JAKMIP3: variants seen among roughly 807,000 people sequenced by gnomAD.
The protein encoded by JAKMIP3 is janus kinase and microtubule-interacting protein 3.
A neutral mutation model predicts 118.5 loss-of-function variants in JAKMIP3; 58 were observed. That is an observed-to-expected ratio of 0.49 (90% confidence interval 0.40 to 0.61). JAKMIP3 has a LOEUF of 0.61. JAKMIP3 is among the 20% of genes least tolerant of loss of function. JAKMIP3 has a pLI of 0.00. For missense variants in JAKMIP3, 950 were observed against 1,109.0 expected (o/e 0.86, Z 2.04); for synonymous variants, 486 against 451.2 (o/e 1.08, Z -0.98).
At position 132,180,568 on chromosome 10, in the gene JAKMIP3, C is replaced by T. The variant is rs200068457; in HGVS notation, c.*1104-1789C>T. Among the ~76,000 whole-genome samples the T allele has an allele frequency of 1.6e-3, 36 of 22,312 alleles. 9 individuals are homozygous for T. Among genetic ancestry groups the T allele is most frequent in the African/African-American group, 7.2e-3 (25 of 3,486 alleles). 14.6% of individuals were successfully genotyped at this position (22,312 alleles called of 152,430 possible). Reference sequence around the variant, plus strand: ...GTGCGTGCGTGCATGCGTGTGTGTGCGTGTGTGTGTGCGTGCGCGTGTGTG... The same window carrying T: ...GTGCGTGCGTGCATGCGTGTGTGTGTGTGTGTGTGTGCGTGCGCGTGTGTG... On this transcript the variant is annotated intron_variant, in intron 23 of 23. Transcript: ENST00000684848.
intron 3 of JAKMIP3, among the ~76,000 whole-genome samples, chr10:132,132,893 C>T (rs1447551529): frequency 6.6e-6 from 1 of 152,234 alleles, no homozygotes; most frequent in East Asian, 1.9e-4. Flanking sequence ...GCCGTGGCAC[C>T]TTCCTATTGG....
At chr10:132,116,049 G>T (rs565313138) in intron 2 of JAKMIP3, among the ~76,000 whole-genome samples, 1 of 152,216 alleles carries the variant, frequency 6.6e-6, no homozygotes, top group Non-Finnish European at 1.5e-5. Context: ...CCCCCACAGC[G>T]TGTCCTCCCT....
At chr10:132,180,788 T>TGTGTGTGC (rs1491365450) in intron 23 of JAKMIP3, among the ~76,000 whole-genome samples, 3 of 10,724 alleles carry the variant, frequency 2.8e-4, no homozygotes, top group South Asian at 7.2e-3. Context: ...TGTGTGCGCG[T>TGTGTGTGC]ATGCATGTGC....
intron 1 of JAKMIP3, among the ~76,000 whole-genome samples, chr10:132,095,827 A>AAG (rs1463874701): frequency 6.6e-6 from 1 of 152,092 alleles, no homozygotes; most frequent in Admixed American, 6.5e-5. Context: ...GTTGTTTGGG[A>AAG]AGAGCATTCT....
intron 23 of JAKMIP3, among the ~76,000 whole-genome samples, chr10:132,171,949 C>G (rs147368553): frequency 6.6e-6 from 1 of 152,114 alleles, no homozygotes. Context: ...CCCCTGCGCC[C>G]GGCCTGTCCC....
chr10:132,065,901 G>C (rs1244019968), upstream of JAKMIP3, among the ~76,000 whole-genome samples: 2 of 152,170 alleles, frequency 1.3e-5, no homozygotes, highest in Non-Finnish European at 2.9e-5. The surrounding 1 kb of genome is among the most constrained non-coding windows in gnomAD (Gnocchi z 5.6). Flanking sequence ...GTCACAGCGT[G>C]GTAAATTCCA....
chr10:132,056,750 C>T (rs2038247602), intron 1 of JAKMIP3, among the ~76,000 whole-genome samples: 1 of 152,224 alleles, frequency 6.6e-6, no homozygotes, highest in Admixed American at 6.5e-5. Flanking sequence ...CCCGTCTGTA[C>T]TTTGTCCCGG....
chr10:132,115,120 C>T (rs1046733004), intron 2 of JAKMIP3, among the ~76,000 whole-genome samples: 4 of 152,212 alleles, frequency 2.6e-5, no homozygotes, highest in Non-Finnish European at 5.9e-5. Context: ...CTGCCAAATG[C>T]CTATCTGTTC....
intron 1 of JAKMIP3, among the ~76,000 whole-genome samples, chr10:132,039,326 C>T (rs2037637260): frequency 3.3e-5 from 5 of 152,026 alleles, no homozygotes; most frequent in African/African-American, 9.7e-5. Context: ...AACTTAGTCA[C>T]CTCAGCTTGG....
intron 2 of JAKMIP3, among the ~76,000 whole-genome samples, chr10:132,111,221 G>T (rs964665956): frequency 6.6e-6 from 1 of 152,224 alleles, no homozygotes; most frequent in African/African-American, 2.4e-5. Flanking sequence ...CCAGGCAGCT[G>T]TGCCCCTGCA....
intron 1 of JAKMIP3, among the ~76,000 whole-genome samples, chr10:132,069,643 G>A (rs1273840008): frequency 6.6e-6 from 1 of 152,176 alleles, no homozygotes; most frequent in East Asian, 1.9e-4. Context: ...CCATTTCAGA[G>A]TTTCATTAAA....
At chr10:132,162,446 G>A (rs935831337) in intron 19 of JAKMIP3, among the ~76,000 whole-genome samples, 1 of 152,244 alleles carries the variant, frequency 6.6e-6, no homozygotes, top group Non-Finnish European at 1.5e-5. Flanking sequence ...GCTCTAAGAA[G>A]TGGAGGTTGA....
intron 23 of JAKMIP3, among the ~76,000 whole-genome samples, chr10:132,175,672 C>T (rs1269847822): frequency 6.6e-6 from 1 of 152,202 alleles, no homozygotes; most frequent in Non-Finnish European, 1.5e-5. Context: ...AGCAGCCCTG[C>T]TCTTCTGAGC....
chr10:132,148,469 C>T (rs567577854), intron 14 of JAKMIP3, among the ~76,000 whole-genome samples: 15 of 96,140 alleles, frequency 1.6e-4, no homozygotes, highest in South Asian at 7.9e-4. Flanking sequence ...GTCCTCCATC[C>T]GCCCGTCCTC....
chr10:132,041,667 G>A (rs945304998), intron 1 of JAKMIP3, among the ~76,000 whole-genome samples: 2 of 152,136 alleles, frequency 1.3e-5, no homozygotes, highest in Non-Finnish European at 2.9e-5. Context: ...AACATAGCAC[G>A]CTGGCCCCGT....
At chr10:132,169,454 G>A (rs1239540308) in intron 23 of JAKMIP3, among the ~76,000 whole-genome samples, 1 of 152,244 alleles carries the variant, frequency 6.6e-6, no homozygotes, top group Non-Finnish European at 1.5e-5. Context: ...GCTCTGGGGA[G>A]GCGACTCTGG....
intron 1 of JAKMIP3, among the ~76,000 whole-genome samples, chr10:132,095,973 C>T (rs2043804157): frequency 6.6e-6 from 1 of 152,084 alleles, no homozygotes; most frequent in Admixed American, 6.6e-5. Flanking sequence ...CATACTGTCC[C>T]ATGCTGCTGT....
chr10:132,179,144 T>G lies in JAKMIP3; in HGVS notation c.*1104-3213T>G, dbSNP rs951860428. Among the ~76,000 whole-genome samples the G allele has an allele frequency of 6.6e-6, 1 of 152,222 alleles. No homozygotes were observed. Among genetic ancestry groups the G allele is most frequent in the East Asian group, 1.9e-4 (1 of 5,194 alleles). On this transcript the variant is annotated intron_variant, in intron 23 of 23. Transcript: ENST00000684848. This position sits in a 1 kb window ranked among gnomAD's most constrained non-coding sequence, Gnocchi z 4.3. ...ACTGTCCAATGAGCCAAGTTCATGA[T>G]TGTGGTTGTCAACTTGTTCCTACAC...
At chr10:132,173,396 G>A (rs746725677) in intron 23 of JAKMIP3, among the ~76,000 whole-genome samples, 27 of 151,194 alleles carry the variant, frequency 1.8e-4, no homozygotes, top group South Asian at 4.2e-4. Flanking sequence ...TCATCTGTGC[G>A]GCCCTGGCAT....
Sources: allele counts gnomAD v4.1 joint callset (sites outside exome capture counted in the v4.1 genomes callset), GRCh38; gene constraint gnomAD v4.1.1; non-coding constraint Gnocchi (gnomAD v3.1); transcripts MANE v1.5; gene names NCBI Gene and HGNC (gene_info 2026-07-23, HGNC 2026-07-21).